GULP1: variants seen among roughly 807,000 people sequenced by gnomAD.
The protein encoded by GULP1 is GULP PTB domain containing engulfment adaptor 1.
Under a neutral mutation model 40.9 loss-of-function variants are expected in GULP1, and 19 were observed. That is an observed-to-expected ratio of 0.46 (90% CI 0.32 to 0.68). GULP1 has a LOEUF of 0.68. Among genes scored for constraint, GULP1 ranks in the 30% least tolerant of loss-of-function variants. GULP1 has a pLI of 0.03. For synonymous variants in GULP1, 119 were observed against 117.6 expected (o/e 1.01, Z -0.08); for missense variants, 312 against 362.2 (o/e 0.86, Z 1.12).
intron 9 of GULP1, among the ~76,000 whole-genome samples, chr2:188,579,627 T>C (rs1409296538): frequency 6.6e-6 from 1 of 152,190 alleles, no homozygotes; most frequent in Non-Finnish European, 1.5e-5. Flanking sequence ...TGAGGACTAG[T>C]TCTGGAGTAT....
chr2:188,337,603 A>G (rs2152114924), intron 1 of GULP1, among the ~76,000 whole-genome samples: 2 of 151,984 alleles, frequency 1.3e-5, no homozygotes, highest in East Asian at 3.9e-4. Context: ...TACCAGGGAA[A>G]GCCATGGTAG....
At chr2:188,368,006 C>T (rs967920730) in intron 1 of GULP1, among the ~76,000 whole-genome samples, 4 of 152,042 alleles carry the variant, frequency 2.6e-5, no homozygotes, top group Admixed American at 2.6e-4. Context: ...TTTGTGTCTC[C>T]TTTATAGCAG....
intron 2 of GULP1, among the ~76,000 whole-genome samples, chr2:188,422,623 T>G (rs1217689375): frequency 1.3e-5 from 2 of 152,042 alleles, no homozygotes; most frequent in Non-Finnish European, 2.9e-5. Flanking sequence ...TTATTTAAAA[T>G]AAATAGAGCA....
chr2:188,382,743 G>A lies in GULP1; in HGVS notation c.-171-1020G>A, dbSNP rs117466606. On this transcript the variant is annotated intron_variant, in intron 1 of 11. Transcript: ENST00000409830. ...TCTACTAAAAATACAAAAATTAGCC[G>A]GGCATGATGCCACACAGTTGTATTC... Among the ~76,000 whole-genome samples the A allele has an allele frequency of 0.015, 2,297 of 152,084 alleles. 103 individuals carry two copies. The East Asian group carries it at 0.16, about 11-fold the overall frequency.
intron 1 of GULP1, among the ~76,000 whole-genome samples, chr2:188,380,135 G>T (rs547203305): frequency 6.6e-6 from 1 of 152,144 alleles, no homozygotes; most frequent in South Asian, 2.1e-4. Context: ...AGGGGTATAG[G>T]TATGACTATT....
chr2:188,517,995 C>G (rs886866807), intron 4 of GULP1, among the ~76,000 whole-genome samples: 1 of 151,698 alleles, frequency 6.6e-6, no homozygotes, highest in African/African-American at 2.4e-5. Context: ...GGCATGATTC[C>G]TTTTTTTTGT....
intron 2 of GULP1, among the ~76,000 whole-genome samples, chr2:188,459,104 A>G (rs978546346): frequency 1.3e-5 from 2 of 152,234 alleles, no homozygotes; most frequent in African/African-American, 4.8e-5. Flanking sequence ...GTTGATACAC[A>G]CTTAGGTTGC....
At chr2:188,457,599 G>A (rs917454977) in intron 2 of GULP1, among the ~76,000 whole-genome samples, 2 of 152,132 alleles carry the variant, frequency 1.3e-5, no homozygotes, top group Non-Finnish European at 2.9e-5. Context: ...GCATGAAATG[G>A]ACTAATACAG....
intron 1 of GULP1, among the ~76,000 whole-genome samples, chr2:188,327,376 AT>A (rs762413883): frequency 6.6e-5 from 10 of 152,084 alleles, no homozygotes; most frequent in Non-Finnish European, 1.2e-4. Flanking sequence ...ATTGGGAATT[AT>A]TTCTTTGTGA....
chr2:188,538,048 T>C (rs1023241196), intron 6 of GULP1, among the ~76,000 whole-genome samples: 1 of 152,148 alleles, frequency 6.6e-6, no homozygotes, highest in Non-Finnish European at 1.5e-5. Context: ...TTGTTGTTTC[T>C]CATTGTACTT....
intron 1 of GULP1, among the ~76,000 whole-genome samples, chr2:188,301,673 A>G (rs1365462591): frequency 2.0e-5 from 3 of 152,170 alleles, no homozygotes; most frequent in Admixed American, 1.3e-4. Flanking sequence ...TTTTAGTCAT[A>G]TGTCACATGT....
intron 2 of GULP1, among the ~76,000 whole-genome samples, chr2:188,464,486 G>A (rs539235184): frequency 6.6e-6 from 1 of 152,244 alleles, no homozygotes; most frequent in African/African-American, 2.4e-5. Flanking sequence ...CTCACCTAAG[G>A]CCTGCTGTAA....
Position 188,500,093 on chromosome 2 carries a change from A to C in GULP1, c.90+16601A>C, listed in dbSNP as rs58998088. On this transcript the variant is annotated intron_variant, in intron 4 of 11. Transcript: ENST00000409830. ...TTTGTGTCATATGTCACAGAGCAACATTCTCATTGAATATGCAGAATTAAT... is the reference window on the plus strand; with the variant it reads ...TTTGTGTCATATGTCACAGAGCAACCTTCTCATTGAATATGCAGAATTAAT... Among the ~76,000 whole-genome samples, 6 of 151,996 alleles carry C rather than the reference A, an allele frequency of 3.9e-5. No homozygotes were observed. The East Asian group carries it at 1.2e-3, about 30-fold the overall frequency.
chr2:188,406,618 GAAAA>G (rs922189837), intron 2 of GULP1, among the ~76,000 whole-genome samples: 1 of 151,476 alleles, frequency 6.6e-6, no homozygotes, highest in East Asian at 1.9e-4. Flanking sequence ...TGTTCAAACA[GAAAA>G]AAAATCTGTA....
intron 2 of GULP1, among the ~76,000 whole-genome samples, chr2:188,463,651 G>A (rs1458043015): frequency 6.6e-6 from 1 of 151,372 alleles, no homozygotes; most frequent in East Asian, 1.9e-4. Flanking sequence ...GCCCTGTTGC[G>A]GCTTTCTAGA....
At position 188,334,344 on chromosome 2, in the gene GULP1, G is replaced by A. The variant is rs536451630; in HGVS notation, c.-172+42178G>A. Among the ~76,000 whole-genome samples, 53 of 152,274 alleles carry A rather than the reference G, an allele frequency of 3.5e-4. 2 individuals are homozygous for A. The highest frequency in any genetic ancestry group is 2.3e-3 in the South Asian group (11 of 4,828). The stretch of plus-strand genomic sequence containing the variant: ...TAATTATTTCTGTTTTACAAAGGAG[G>A]AAATGGAGAGCCTACTGGGATATGG... On this transcript the variant is annotated intron_variant, in intron 1 of 11. Coordinates refer to ENST00000409830, the MANE Select transcript of GULP1 (RefSeq NM_016315.4).
chr2:188,325,514 G>T (rs1463612706), intron 1 of GULP1, among the ~76,000 whole-genome samples: 1 of 152,008 alleles, frequency 6.6e-6, no homozygotes, highest in South Asian at 2.1e-4. Context: ...GATTTGGGTG[G>T]TGATAATAAA....
chr2:188,529,050 T>C (rs754976854), intron 5 of GULP1, 47 bp from the exon 6 acceptor site: 1 of 862,154 alleles, frequency 1.2e-6, no homozygotes, highest in Non-Finnish European at 1.9e-6. Context: ...TTGTTCATTC[T>C]TTATAGAAAT....
At chr2:188,445,956 C>T (rs968136127) in intron 2 of GULP1, among the ~76,000 whole-genome samples, 2 of 152,088 alleles carry the variant, frequency 1.3e-5, no homozygotes, top group East Asian at 1.9e-4. Flanking sequence ...TCTGTAAACT[C>T]GTTTATGATC....
Sources: allele counts gnomAD v4.1 joint callset (sites outside exome capture counted in the v4.1 genomes callset), GRCh38; gene constraint gnomAD v4.1.1; transcripts MANE v1.5; gene names NCBI Gene and HGNC (gene_info 2026-07-23, HGNC 2026-07-21).